CNTNAP5: variants seen among roughly 807,000 people sequenced by gnomAD.
CNTNAP5 encodes the protein contactin-associated protein-like 5.
CNTNAP5 carries 72 observed loss-of-function variants against 150.2 expected under a neutral mutation model. That is an observed-to-expected ratio of 0.48 (90% CI 0.40 to 0.58). The LOEUF (loss-of-function observed/expected upper bound fraction) is 0.58. Ranked by LOEUF, CNTNAP5 falls within the 20% of genes least tolerant of loss-of-function variation. The probability of loss-of-function intolerance (pLI) is 0.00; values close to 1 mark genes in which losing one functional copy is unlikely to be tolerated. For missense variants in CNTNAP5, 1,636 were observed against 1,626.2 expected (o/e 1.01, Z -0.10); for synonymous variants, 672 against 619.8 (o/e 1.08, Z -1.25).
intron 11 of CNTNAP5, among the ~76,000 whole-genome samples, chr2:124,595,848 C>A (rs1396426646): frequency 1.5e-5 from 2 of 137,324 alleles, no homozygotes; most frequent in Non-Finnish European, 3.1e-5. Context: ...GATTCAACTT[C>A]TTCCTGGTTT....
chr2:124,632,603 G>T, intron 12 of CNTNAP5, among the ~76,000 whole-genome samples: 1 of 151,802 alleles, frequency 6.6e-6, no homozygotes, highest in East Asian at 1.9e-4. Flanking sequence ...ATTCGTGCTG[G>T]GCTTAATACC....
At chr2:124,340,806 C>T (rs1689592567) in intron 3 of CNTNAP5, among the ~76,000 whole-genome samples, 1 of 96,774 alleles carries the variant, frequency 1.0e-5, no homozygotes, top group Non-Finnish European at 2.2e-5. Flanking sequence ...TATATGTATA[C>T]ATGTATATAT....
At chr2:124,439,562 A>T (rs1031567288) in intron 5 of CNTNAP5, among the ~76,000 whole-genome samples, 3 of 152,190 alleles carry the variant, frequency 2.0e-5, no homozygotes, top group Non-Finnish European at 4.4e-5. Flanking sequence ...GAGTGTTTTT[A>T]GTCAATACAA....
chr2:124,170,658 C>T (rs761988082), intron 1 of CNTNAP5, among the ~76,000 whole-genome samples: 12 of 152,318 alleles, frequency 7.9e-5, no homozygotes, highest in Admixed American at 3.3e-4. Flanking sequence ...GCCAAGGTGG[C>T]GGCCATGGGC....
chr2:124,867,622 T>G (rs558416393), intron 20 of CNTNAP5, among the ~76,000 whole-genome samples: 1 of 152,272 alleles, frequency 6.6e-6, no homozygotes, highest in African/African-American at 2.4e-5. Flanking sequence ...CTCTTGTCTC[T>G]TTTGTTGGTT....
At chr2:124,198,319 A>G (rs1219188198) in intron 1 of CNTNAP5, among the ~76,000 whole-genome samples, 3 of 152,088 alleles carry the variant, frequency 2.0e-5, no homozygotes, top group Non-Finnish European at 2.9e-5. Flanking sequence ...GGTTGCCAAA[A>G]TTATCTTTCA....
chr2:124,779,179 C>G (rs559522319), intron 17 of CNTNAP5, among the ~76,000 whole-genome samples: 2 of 152,192 alleles, frequency 1.3e-5, no homozygotes, highest in African/African-American at 2.4e-5. Context: ...GCAGAGAAAG[C>G]CTTGACCAAG....
intron 19 of CNTNAP5, among the ~76,000 whole-genome samples, chr2:124,826,869 C>T (rs1344993760): frequency 6.6e-6 from 1 of 152,144 alleles, no homozygotes; most frequent in Non-Finnish European, 1.5e-5. Context: ...CTGTGATGAG[C>T]CCCAGAAAGG....
chr2:124,205,698 G>A (rs1685846422), intron 1 of CNTNAP5, among the ~76,000 whole-genome samples: 1 of 152,090 alleles, frequency 6.6e-6, no homozygotes, highest in South Asian at 2.1e-4. Context: ...CACCATACCC[G>A]GCCAAACCTT....
At chr2:124,208,753 T>C (rs1441028419) in intron 1 of CNTNAP5, among the ~76,000 whole-genome samples, 3 of 152,202 alleles carry the variant, frequency 2.0e-5, no homozygotes, top group South Asian at 2.1e-4. Context: ...TGGTAGCTAC[T>C]GAAAACTAAA....
intron 13 of CNTNAP5, among the ~76,000 whole-genome samples, chr2:124,735,041 G>A (rs766475113): frequency 6.6e-6 from 1 of 152,142 alleles, no homozygotes; most frequent in Non-Finnish European, 1.5e-5. Context: ...TGGGTAAAAT[G>A]CATTAATGTA....
chr2:124,243,575 A>C (rs1573862420), intron 3 of CNTNAP5, among the ~76,000 whole-genome samples: 2 of 152,144 alleles, frequency 1.3e-5, no homozygotes, highest in African/African-American at 2.4e-5. Context: ...AAAGGGCGTA[A>C]GTTTTCTTCA....
chr2:124,452,463 G>A (rs1693007964), intron 6 of CNTNAP5, among the ~76,000 whole-genome samples: 1 of 152,088 alleles, frequency 6.6e-6, no homozygotes, highest in African/African-American at 2.4e-5. Flanking sequence ...ACCCAACCTA[G>A]TAAATGAAGA....
At chr2:124,047,216 A>C (rs2104638531) in intron 1 of CNTNAP5, among the ~76,000 whole-genome samples, 1 of 152,364 alleles carries the variant, frequency 6.6e-6, no homozygotes, top group East Asian at 1.9e-4. Flanking sequence ...AATATGCTGA[A>C]TGTTTACAGG....
intron 1 of CNTNAP5, among the ~76,000 whole-genome samples, chr2:124,142,565 GA>G (rs1455203252): frequency 1.5e-5 from 2 of 136,118 alleles, no homozygotes; most frequent in Non-Finnish European, 3.1e-5. Flanking sequence ...AATGAAGGCA[GA>G]AATAAAGATG....
At chr2:124,846,871 T>G (rs1448961063) in intron 19 of CNTNAP5, among the ~76,000 whole-genome samples, 4 of 152,216 alleles carry the variant, frequency 2.6e-5, no homozygotes, top group Admixed American at 2.0e-4. Context: ...GTAGAGCTAC[T>G]GGGCTCTGCA....
intron 3 of CNTNAP5, among the ~76,000 whole-genome samples, chr2:124,295,565 T>C (rs1447931085): frequency 1.3e-5 from 2 of 152,124 alleles, no homozygotes; most frequent in Non-Finnish European, 2.9e-5. Context: ...TGTGTATTTA[T>C]AGATGTTGTT....
At chr2:124,541,545 C>T (rs888130330) in intron 10 of CNTNAP5, among the ~76,000 whole-genome samples, 3 of 151,996 alleles carry the variant, frequency 2.0e-5, no homozygotes, top group Non-Finnish European at 4.4e-5. Flanking sequence ...AAGGTCATTC[C>T]AATTACCATG....
rs144785666 is a variant in CNTNAP5, at chr2:124,607,822, A to C, written c.1757-1979A>C. Among the ~76,000 whole-genome samples, 441 of 152,298 alleles carry C rather than the reference A, an allele frequency of 2.9e-3. 2 individuals are homozygous for C. The highest frequency in any genetic ancestry group is 1.0e-2 in the African/African-American group (415 of 41,560). ...GTGGGAGTGGTTGGGAGGTCAACAT[A>C]GACAACAGCTGATTTTCACCTTTGT... On this transcript the variant is annotated intron_variant, in intron 11 of 23. Transcript: ENST00000682447.
Sources: allele counts gnomAD v4.1 joint callset (sites outside exome capture counted in the v4.1 genomes callset), GRCh38; gene constraint gnomAD v4.1.1; transcripts MANE v1.5; gene names NCBI Gene and HGNC (gene_info 2026-07-23, HGNC 2026-07-21).